The following MRAS variants were observed in gnomAD, a reference collection of about 807,000 sequenced individuals.
MRAS encodes muscle RAS oncogene homolog.
A neutral mutation model predicts 20.9 loss-of-function variants in MRAS; 4 were observed. That is an observed-to-expected ratio of 0.19 (90% CI 0.09 to 0.44). The LOEUF (loss-of-function observed/expected upper bound fraction) is 0.44. MRAS is among the 20% of genes least tolerant of loss of function. The pLI is 0.99. For missense variants in MRAS, 154 were observed against 277.5 expected (o/e 0.56, Z 3.16); for synonymous variants, 98 against 102.9 (o/e 0.95, Z 0.29).
At chr3:138,395,992 A>G (rs2055227781) in intron 2 of MRAS, among the ~76,000 whole-genome samples, 1 of 152,322 alleles carries the variant, frequency 6.6e-6, no homozygotes, top group Middle Eastern at 3.4e-3. Flanking sequence ...GGACAACTAC[A>G]TGGCTGGCCA....
intron 2 of MRAS, among the ~76,000 whole-genome samples, chr3:138,379,037 C>T (rs2054844543): frequency 6.6e-6 from 1 of 152,284 alleles, no homozygotes; most frequent in South Asian, 2.1e-4. Flanking sequence ...GGGAACATTA[C>T]AATTCTTCTC....
intron 1 of MRAS, among the ~76,000 whole-genome samples, chr3:138,356,108 T>A (rs1315078774): frequency 6.6e-6 from 1 of 152,228 alleles, no homozygotes. Context: ...AACCAGTGCC[T>A]ATGAGATTAT....
At chr3:138,390,388 C>T (rs1025519753) in intron 2 of MRAS, among the ~76,000 whole-genome samples, 5 of 152,156 alleles carry the variant, frequency 3.3e-5, no homozygotes, top group Non-Finnish European at 5.9e-5. Flanking sequence ...CTTTCTCCTT[C>T]CTCCTCCCCC....
At chr3:138,382,657 G>A (rs1025274179) in intron 2 of MRAS, among the ~76,000 whole-genome samples, 3 of 152,184 alleles carry the variant, frequency 2.0e-5, no homozygotes, top group African/African-American at 7.2e-5. Context: ...GCTCAGTGAG[G>A]CTTGGACTCA....
chr3:138,359,898 G>A (rs921636190), intron 1 of MRAS, among the ~76,000 whole-genome samples: 5 of 152,200 alleles, frequency 3.3e-5, no homozygotes, highest in African/African-American at 1.2e-4. Flanking sequence ...TACACAATGT[G>A]TAAAACTTTT....
At chr3:138,386,226 C>A (rs145930913) in intron 2 of MRAS, among the ~76,000 whole-genome samples, 93 of 152,186 alleles carry the variant, frequency 6.1e-4, no homozygotes, top group Non-Finnish European at 1.1e-3. Context: ...TCATCCCCAA[C>A]CCTGCTCAAA....
At chr3:138,381,080 C>T (rs952184883) in intron 2 of MRAS, among the ~76,000 whole-genome samples, 11 of 152,136 alleles carry the variant, frequency 7.2e-5, no homozygotes, top group Admixed American at 6.5e-4. Context: ...GCCTTCTCTC[C>T]GTTTTAAAGC....
At chr3:138,370,955 G>C (rs2054662587) in intron 1 of MRAS, among the ~76,000 whole-genome samples, 1 of 152,118 alleles carries the variant, frequency 6.6e-6, no homozygotes, top group Non-Finnish European at 1.5e-5. Context: ...TTCTAGGTTA[G>C]TGAATATCTT....
At chr3:138,372,766 A>G in intron 1 of MRAS, 100 bp from the exon 2 acceptor site, 3 of 862,640 alleles carry the variant, frequency 3.5e-6, no homozygotes, top group Middle Eastern at 3.7e-4. Context: ...AAACCTCTTT[A>G]TAATTGAGAG....
intron 1 of MRAS, among the ~76,000 whole-genome samples, chr3:138,361,800 A>G (rs376665844): frequency 2.2e-4 from 33 of 152,144 alleles, no homozygotes; most frequent in African/African-American, 8.0e-4. Context: ...GACGTTCCCA[A>G]TTGCACGCAG....
intron 2 of MRAS, among the ~76,000 whole-genome samples, chr3:138,379,357 C>CTTTTTTT (rs35120152): frequency 9.0e-5 from 7 of 77,614 alleles, no homozygotes; most frequent in East Asian, 4.5e-4. Context: ...GACAGAATGT[C>CTTTTTTT]TTTTTTTTTT....
At chr3:138,390,685 G>A (rs1458134992) in intron 2 of MRAS, among the ~76,000 whole-genome samples, 1 of 152,172 alleles carries the variant, frequency 6.6e-6, no homozygotes, top group African/African-American at 2.4e-5. Flanking sequence ...GTGGAGGGGT[G>A]GGCTAGACAA....
chr3:138,399,207 A>G (rs1168260029), intron 4 of MRAS, among the ~76,000 whole-genome samples: 1 of 152,222 alleles, frequency 6.6e-6, no homozygotes. Flanking sequence ...TTCTGAGCTC[A>G]GTCTCCTGAG....
chr3:138,360,008 G>A (rs1423503899), intron 1 of MRAS, among the ~76,000 whole-genome samples: 1 of 152,188 alleles, frequency 6.6e-6, no homozygotes, highest in Non-Finnish European at 1.5e-5. Flanking sequence ...AGACTATCTG[G>A]CAAGCTCATT....
chr3:138,363,850 C>T (rs1462861410), intron 1 of MRAS, among the ~76,000 whole-genome samples: 2 of 142,112 alleles, frequency 1.4e-5, no homozygotes, highest in East Asian at 4.3e-4. Context: ...ACAGGGTACC[C>T]AGAGGGTGGC....
Position 138,403,030 on chromosome 3 carries a change from G to C in MRAS, c.*761G>C, listed in dbSNP as rs953318987. ...CCTATGGTTGGGGATGCAAATATTA[G>C]AAAACAGATTGTATTTTGCTGAGGG... On this transcript the variant is annotated 3_prime_UTR_variant, in exon 6 of 6. Transcript: ENST00000423968. The C allele has an allele frequency of 1.3e-5, 2 of 152,316 alleles. No homozygotes were observed. The highest frequency in any genetic ancestry group is 4.8e-5 in the African/African-American group (2 of 41,456). The allele number at this position is 152,316 out of a possible 1,614,324, so 9.4% of individuals were successfully genotyped here. A position where few individuals can be genotyped will look rare whatever the true frequency, so the allele number is the denominator to read the frequency against.
chr3:138,349,501 A>G (rs1010791163), intron 1 of MRAS: 3 of 152,380 alleles, frequency 2.0e-5, no homozygotes, highest in African/African-American at 7.2e-5. Context: ...CAGCGTATAC[A>G]CTGGACACCC....
chr3:138,379,670 A>G (rs1405778740), intron 2 of MRAS, among the ~76,000 whole-genome samples: 1 of 152,122 alleles, frequency 6.6e-6, no homozygotes, highest in Non-Finnish European at 1.5e-5. Context: ...ATTCTTTGTT[A>G]TGGATGAATA....
At chr3:138,351,688 C>T (rs1400137971) in intron 1 of MRAS, among the ~76,000 whole-genome samples, 1 of 152,202 alleles carries the variant, frequency 6.6e-6, no homozygotes, top group Non-Finnish European at 1.5e-5. Flanking sequence ...ATGCTCTCTG[C>T]TCTTGGAAGG....
Sources: gnomAD v4.1 joint callset for allele counts (sites outside exome capture counted in the v4.1 genomes callset) on GRCh38, gnomAD v4.1.1 for gene constraint, MANE v1.5 for transcripts, NCBI Gene and HGNC (gene_info 2026-07-23, HGNC 2026-07-21) for gene names.